CHST8: variants seen among roughly 807,000 people sequenced by gnomAD.
The protein encoded by CHST8 is carbohydrate sulfotransferase 8.
Under a neutral mutation model 15.0 loss-of-function variants are expected in CHST8, and 10 were observed. That is an observed-to-expected ratio of 0.67 (90% CI 0.41 to 1.13). CHST8 has a LOEUF of 1.13. CHST8 is among the 50% of genes most tolerant of loss of function. CHST8 has a pLI of 0.00. For missense variants in CHST8, 634 were observed against 608.2 expected (o/e 1.04, Z -0.45); for synonymous variants, 259 against 256.6 (o/e 1.01, Z -0.09).
At position 33,772,976 on chromosome 19, in the gene CHST8, G is replaced by A. The variant is rs777311622; in HGVS notation, c.1188G>A (p.Ser396=). 68 of 1,613,568 alleles carry A rather than the reference G, an allele frequency of 4.2e-5. No individual in the cohort carries two copies. The South Asian group carries it at 6.1e-4, about 15-fold the overall frequency. Residue 396 remains serine (S), a synonymous_variant, in exon 5 of 5, where the codon TCG becomes TCA. Transcript: ENST00000650847. ...CCCACCAGTACTTCGCCCAACTCTCGGCCCTGCAAAGGCAGCGCACCTACG... is the reference window on the plus strand; with the variant it reads ...CCCACCAGTACTTCGCCCAACTCTCAGCCCTGCAAAGGCAGCGCACCTACG... ...RIAHQYFAQL[S]ALQRQRTYDF...
chr19:33,655,129 C>T (rs372296965), intron 1 of CHST8, among the ~76,000 whole-genome samples: 47 of 152,212 alleles, frequency 3.1e-4, no homozygotes, highest in Non-Finnish European at 5.7e-4. Context: ...CTCCGCCTCC[C>T]GGGTACAAGC....
intron 3 of CHST8, among the ~76,000 whole-genome samples, chr19:33,765,070 A>ATATATGTATG (rs71181381): frequency 1.8e-5 from 2 of 113,152 alleles, no homozygotes; most frequent in African/African-American, 8.4e-5. Flanking sequence ...ATATATATAT[A>ATATATGTATG]TATCAGAGTT....
intron 3 of CHST8, among the ~76,000 whole-genome samples, chr19:33,742,616 A>T (rs569978253): frequency 3.7e-4 from 56 of 152,136 alleles, no homozygotes; most frequent in Non-Finnish European, 7.2e-4. Context: ...TCAACATGAG[A>T]TTTGGAGGAG....
chr19:33,632,193 G>T (rs991024047), intron 1 of CHST8, among the ~76,000 whole-genome samples: 1 of 150,268 alleles, frequency 6.7e-6, no homozygotes, highest in South Asian at 2.1e-4. Flanking sequence ...AGGCTGGAGT[G>T]CAGTGGTGCG....
At chr19:33,720,413 TACCACACACATGC>T (rs1459387286) in intron 3 of CHST8, among the ~76,000 whole-genome samples, 16 of 148,574 alleles carry the variant, frequency 1.1e-4, no homozygotes, top group Admixed American at 6.7e-4. Context: ...CGCACACATG[TACCACACACATGC>T]ACCACACATA....
chr19:33,772,328 C>A lies in CHST8; in HGVS notation c.540C>A (p.His180Gln), dbSNP rs752033686. The change falls in exon 5 of 5, where the codon CAC (histidine) becomes CAA (glutamine). Residue 180 changes from histidine (H) to glutamine (Q), a missense_variant. Physicochemically the swap from His to Gln is conservative, Grantham distance 24. Coordinates refer to ENST00000650847, the MANE Select transcript of CHST8 (RefSeq NM_001127895.2). ...GCCGCCGGGCCGTCACGCCCCGCCA[C>A]GTGTCCCGTATCTTCGTGGAGGACC... is the stretch of plus-strand genomic sequence containing the variant. ...SSSRRAVTPRHVSRIFVEDRH... is the reference protein window; with the variant it reads ...SSSRRAVTPRQVSRIFVEDRH... 8 of 1,605,692 alleles carry A rather than the reference C, an allele frequency of 5.0e-6. No homozygotes were observed. Among genetic ancestry groups the A allele is most frequent in the Non-Finnish European group, 6.8e-6 (8 of 1,179,262 alleles).
chr19:33,771,554 G>A (rs1599647316), intron 4 of CHST8, 104 bp downstream of exon 4: 2 of 1,160,560 alleles, frequency 1.7e-6, no homozygotes, highest in East Asian at 4.7e-5. Context: ...TTCTTGGAAA[G>A]AAAAATGTGT....
chr19:33,635,716 G>T (rs1972186672), intron 1 of CHST8, among the ~76,000 whole-genome samples: 1 of 152,146 alleles, frequency 6.6e-6, no homozygotes, highest in Non-Finnish European at 1.5e-5. Context: ...CGGTCCAGTT[G>T]ACCCACCACA....
Position 33,772,275 on chromosome 19 carries a change from G to T in CHST8, c.487G>T (p.Ala163Ser), listed in dbSNP as rs1253112776. The T allele has an allele frequency of 6.2e-7, 1 of 1,601,356 alleles. No individual in the cohort carries two copies. Among genetic ancestry groups the T allele is most frequent in the Non-Finnish European group, 8.5e-7 (1 of 1,178,956 alleles). The change falls in exon 5 of 5, where the codon GCC becomes TCC. Residue 163 changes from alanine to serine, a missense_variant. Physicochemically the swap from Ala to Ser is moderately conservative, Grantham distance 99 (BLOSUM62 1). Transcript: ENST00000650847. ...QQERKRVMQEACAKYRASSSR... is the reference protein window; with the variant it reads ...QQERKRVMQESCAKYRASSSR... ...GGAGCGCAAGCGGGTGATGCAGGAGGCCTGCGCCAAGTACCGGGCGAGCAG... is the reference window on the plus strand; with the variant it reads ...GGAGCGCAAGCGGGTGATGCAGGAGTCCTGCGCCAAGTACCGGGCGAGCAG...
chr19:33,689,753 C>T (rs1973061935), intron 3 of CHST8, among the ~76,000 whole-genome samples: 1 of 152,216 alleles, frequency 6.6e-6, no homozygotes, highest in Non-Finnish European at 1.5e-5. Context: ...ACAACTTCTC[C>T]CTGAGCCCAT....
intron 1 of CHST8, among the ~76,000 whole-genome samples, chr19:33,628,235 G>C (rs1972081464): frequency 6.6e-6 from 1 of 152,132 alleles, no homozygotes; most frequent in African/African-American, 2.4e-5. Context: ...GTGTGAGAGG[G>C]CATGAGGAGC....
chr19:33,720,508 G>A (rs1568341890), intron 3 of CHST8, among the ~76,000 whole-genome samples: 1 of 152,128 alleles, frequency 6.6e-6, no homozygotes, highest in East Asian at 1.9e-4. Flanking sequence ...CACCACATAT[G>A]CTTGCCACAC....
At chr19:33,693,425 TAGTC>T (rs1426161912) in intron 3 of CHST8, among the ~76,000 whole-genome samples, 35 of 152,362 alleles carry the variant, frequency 2.3e-4, no homozygotes, top group Admixed American at 2.2e-3. Context: ...TAGCATCAAA[TAGTC>T]AGTCAGTGTG....
At chr19:33,681,944 G>A (rs373286299) in intron 2 of CHST8, among the ~76,000 whole-genome samples, 20 of 150,748 alleles carry the variant, frequency 1.3e-4, no homozygotes, top group Middle Eastern at 3.4e-3. Flanking sequence ...TCGCCTCACT[G>A]CAATCTCCAC....
chr19:33,631,185 CT>C (rs1388054584), intron 1 of CHST8, among the ~76,000 whole-genome samples: 2 of 152,254 alleles, frequency 1.3e-5, no homozygotes, highest in African/African-American at 4.8e-5. Flanking sequence ...GCCAGCCTCT[CT>C]CTGGCTTGCT....
chr19:33,669,147 A>G (rs1043829941), intron 2 of CHST8, among the ~76,000 whole-genome samples: 1 of 152,198 alleles, frequency 6.6e-6, no homozygotes, highest in South Asian at 2.1e-4. Flanking sequence ...ACAAACCCAC[A>G]GACACACATA....
At chr19:33,657,524 A>G (rs1411830128) in intron 1 of CHST8, among the ~76,000 whole-genome samples, 1 of 151,162 alleles carries the variant, frequency 6.6e-6, no homozygotes, top group Non-Finnish European at 1.5e-5. Flanking sequence ...CGCCCACCTC[A>G]GCCTCCCAAA....
At chr19:33,685,699 G>C (rs1043278818) in intron 2 of CHST8, among the ~76,000 whole-genome samples, 2 of 152,168 alleles carry the variant, frequency 1.3e-5, no homozygotes, top group African/African-American at 2.4e-5. Context: ...CCAGGCCCCA[G>C]CCTGTGACAG....
intron 1 of CHST8, among the ~76,000 whole-genome samples, chr19:33,639,318 G>A (rs1436564784): frequency 2.0e-5 from 3 of 152,064 alleles, no homozygotes; most frequent in South Asian, 4.2e-4. Flanking sequence ...GAGTTACAGC[G>A]CTCGAGGATG....
Sources: allele counts gnomAD v4.1 joint callset (sites outside exome capture counted in the v4.1 genomes callset), GRCh38; gene constraint gnomAD v4.1.1; transcripts MANE v1.5; gene names NCBI Gene and HGNC (gene_info 2026-07-23, HGNC 2026-07-21).